EPHA6: variants seen among roughly 807,000 people sequenced by gnomAD.
EPHA6 encodes the protein ephrin type-A receptor 6.
Under a neutral mutation model 112.0 loss-of-function variants are expected in EPHA6, and 50 were observed. The ratio of observed to expected loss-of-function variants is 0.45; its 90% CI spans 0.36 to 0.56. The LOEUF is 0.56. Ranked by LOEUF, EPHA6 falls within the 20% of genes least tolerant of loss-of-function variation. The pLI, the probability that EPHA6 is intolerant of heterozygous loss-of-function variation, is 0.00. For synonymous variants in EPHA6, 529 were observed against 490.7 expected, an observed-to-expected ratio of 1.08 and a Z score of -1.03; for missense variants, 1,280 against 1,417.4, an observed-to-expected ratio of 0.90 and a Z score of 1.56.
chr3:97,638,173 T>A, intron 14 of EPHA6, 91 bp downstream of exon 14: 2 of 922,854 alleles, frequency 2.2e-6, no homozygotes, highest in Non-Finnish European at 3.2e-6. Context: ...TTCCTAATTT[T>A]CTGCTTGTAT....
chr3:97,192,263 A>G (rs1452926702), intron 3 of EPHA6, among the ~76,000 whole-genome samples: 2 of 152,034 alleles, frequency 1.3e-5, no homozygotes, highest in Non-Finnish European at 2.9e-5. Flanking sequence ...CAGCCTCCTG[A>G]GTAGCAGGGA....
intron 3 of EPHA6, among the ~76,000 whole-genome samples, chr3:97,105,121 TG>T (rs2047526078): frequency 6.6e-6 from 1 of 152,026 alleles, no homozygotes; most frequent in Admixed American, 6.6e-5. Context: ...ATGTTTTTTT[TG>T]TGTCTCAGTC....
chr3:97,699,213 A>G (rs562272489), intron 14 of EPHA6, among the ~76,000 whole-genome samples: 14 of 152,334 alleles, frequency 9.2e-5, no homozygotes, highest in African/African-American at 3.4e-4. Flanking sequence ...AGTAACAAGT[A>G]CTATGATGCA....
At chr3:97,055,518 A>G (rs920285078) in intron 3 of EPHA6, among the ~76,000 whole-genome samples, 6 of 152,206 alleles carry the variant, frequency 3.9e-5, no homozygotes, top group African/African-American at 1.4e-4. Context: ...TTAGATTCAT[A>G]TGGAAATACA....
At chr3:96,844,342 C>T (rs2034941094) in intron 1 of EPHA6, among the ~76,000 whole-genome samples, 1 of 151,988 alleles carries the variant, frequency 6.6e-6, no homozygotes, top group South Asian at 2.1e-4. Context: ...ATTAGTTAAA[C>T]TTCCCCTGAC....
At chr3:97,185,509 C>A (rs907406597) in intron 3 of EPHA6, among the ~76,000 whole-genome samples, 1 of 152,000 alleles carries the variant, frequency 6.6e-6, no homozygotes, top group Non-Finnish European at 1.5e-5. Context: ...ATCAAAACCA[C>A]AATGAGATAC....
At chr3:97,136,903 A>G (rs904565902) in intron 3 of EPHA6, among the ~76,000 whole-genome samples, 1 of 152,198 alleles carries the variant, frequency 6.6e-6, no homozygotes, top group African/African-American at 2.4e-5. Context: ...GTTCTTCAGG[A>G]AGATGGTCTA....
chr3:97,448,819 T>C lies in EPHA6; in HGVS notation c.1894+89T>C, dbSNP rs975449111. 5 of 1,215,840 alleles carry C rather than the reference T, an allele frequency of 4.1e-6. No individual in the cohort carries two copies. The African/African-American group carries it at 6.0e-5, about 15-fold the overall frequency. 75.3% of individuals were successfully genotyped at this position (1,215,840 alleles called of 1,614,324 possible). On this transcript the variant is annotated intron_variant, in intron 7 of 17. Coordinates refer to ENST00000389672, the MANE Select transcript of EPHA6 (RefSeq NM_001080448.3). ...ATTTTAAAACCAGGTGTCCCAAGTT[T>C]TTAATAGCTTGTTTAAATGAGATTT...
chr3:97,156,873 T>C (rs2076300126), intron 3 of EPHA6, among the ~76,000 whole-genome samples: 1 of 152,148 alleles, frequency 6.6e-6, no homozygotes, highest in Non-Finnish European at 1.5e-5. Context: ...ACATTTGAAA[T>C]ATACTTTTTT....
chr3:97,706,881 T>A (rs574432720), intron 14 of EPHA6, among the ~76,000 whole-genome samples: 1 of 152,048 alleles, frequency 6.6e-6, no homozygotes, highest in Admixed American at 6.5e-5. Context: ...TTTATTTACA[T>A]CAATGTTTCT....
intron 3 of EPHA6, among the ~76,000 whole-genome samples, chr3:97,021,007 C>A (rs1441743864): frequency 6.6e-6 from 1 of 152,014 alleles, no homozygotes; most frequent in Non-Finnish European, 1.5e-5. Flanking sequence ...TTATAAAAAA[C>A]CTTCAGCATA....
intron 5 of EPHA6, among the ~76,000 whole-genome samples, chr3:97,345,784 G>T (rs968866052): frequency 6.6e-6 from 1 of 152,010 alleles, no homozygotes; most frequent in Admixed American, 6.6e-5. Flanking sequence ...TGAAAAAATT[G>T]TAAGCATTGT....
chr3:97,327,237 T>C (rs2082476016), intron 5 of EPHA6, among the ~76,000 whole-genome samples: 1 of 152,098 alleles, frequency 6.6e-6, no homozygotes, highest in Middle Eastern at 3.2e-3. Flanking sequence ...TACTAATCTA[T>C]GCCATATATT....
At chr3:97,453,759 G>A (rs2107345097) in intron 7 of EPHA6, among the ~76,000 whole-genome samples, 1 of 151,780 alleles carries the variant, frequency 6.6e-6, no homozygotes, top group Admixed American at 6.6e-5. Context: ...TGGTTGATAT[G>A]TAAGAAATTT....
chr3:96,904,460 G>A (rs185641793), intron 2 of EPHA6, among the ~76,000 whole-genome samples: 1,451 of 115,880 alleles, frequency 0.013, 31 homozygotes, highest in African/African-American at 0.043. Context: ...TCTGTTGTGG[G>A]GTGGGGGGAG....
chr3:96,992,283 A>T (rs1350636674), intron 3 of EPHA6, among the ~76,000 whole-genome samples: 1 of 152,154 alleles, frequency 6.6e-6, no homozygotes, highest in Non-Finnish European at 1.5e-5. Context: ...CTCTACTCAC[A>T]ATCTCCATGC....
chr3:97,490,016 T>C (rs941562348), intron 10 of EPHA6, among the ~76,000 whole-genome samples: 1 of 152,116 alleles, frequency 6.6e-6, no homozygotes, highest in Non-Finnish European at 1.5e-5. Context: ...TTCTATCTTA[T>C]ATACAGATTT....
chr3:97,700,817 A>G (rs62262814), intron 14 of EPHA6, among the ~76,000 whole-genome samples: 4,580 of 152,326 alleles, frequency 0.03, 122 homozygotes, highest in African/African-American at 0.072. Context: ...TAGATGTACA[A>G]AGATGTAATT....
intron 1 of EPHA6, among the ~76,000 whole-genome samples, chr3:96,853,527 A>G (rs781180425): frequency 1.5e-4 from 23 of 151,966 alleles, no homozygotes; most frequent in South Asian, 8.3e-4. Flanking sequence ...TTCTGAATAG[A>G]TAGTGCTTCT....
Sources: gnomAD v4.1 joint callset for allele counts (sites outside exome capture counted in the v4.1 genomes callset) on GRCh38, gnomAD v4.1.1 for gene constraint, MANE v1.5 for transcripts, NCBI Gene and HGNC (gene_info 2026-07-23, HGNC 2026-07-21) for gene names.